Variants in CREB3L2 observed in about 807,000 individuals in gnomAD.
The protein encoded by CREB3L2 is cAMP responsive element binding protein 3 like 2.
CREB3L2 carries 23 observed loss-of-function variants against 57.2 expected under a neutral mutation model. That is an observed-to-expected ratio of 0.40 (90% CI 0.29 to 0.57). CREB3L2 has a LOEUF of 0.57. Ranked by LOEUF, CREB3L2 falls within the 20% of genes least tolerant of loss-of-function variation. CREB3L2 has a pLI of 0.42. For synonymous variants in CREB3L2, 268 were observed against 265.1 expected (o/e 1.01, Z -0.11); for missense variants, 628 against 634.7 (o/e 0.99, Z 0.11).
rs992281243 is a variant in CREB3L2 at position 138,001,780 on chromosome 7, G to T, written c.-75C>A. 30 of 1,105,884 alleles carry T rather than the reference G, an allele frequency of 2.7e-5. No individual in the cohort carries two copies. The highest frequency in any genetic ancestry group is 3.2e-5 in the Non-Finnish European group (26 of 800,400). The allele number at this position is 1,105,884 out of a possible 1,614,324, so 68.5% of individuals were successfully genotyped here. On this transcript the variant is annotated 5_prime_UTR_variant, in exon 1 of 12. Coordinates refer to ENST00000330387, the MANE Select transcript of CREB3L2 (RefSeq NM_194071.4). The surrounding 1 kb of genome is among the most constrained non-coding windows in gnomAD (Gnocchi z 4.2). Reference sequence around the variant, plus strand: ...CGCAGAGCTGCCTCGGACCGGCAAGGTTCCTCTCTCTCCGCGTGTGCTTGC... The same window carrying T: ...CGCAGAGCTGCCTCGGACCGGCAAGTTTCCTCTCTCTCCGCGTGTGCTTGC...
intron 1 of CREB3L2, among the ~76,000 whole-genome samples, chr7:137,994,681 C>T (rs950339399): frequency 1.3e-5 from 2 of 152,162 alleles, no homozygotes; most frequent in African/African-American, 4.8e-5. Context: ...CGTGATAGCT[C>T]ATGCCTGTAA....
At chr7:137,962,759 T>C (rs990932177) in intron 1 of CREB3L2, among the ~76,000 whole-genome samples, 8 of 152,172 alleles carry the variant, frequency 5.3e-5, no homozygotes, top group East Asian at 1.9e-4. Context: ...ATGAGTTCCA[T>C]GGGGGCCGAA....
intron 1 of CREB3L2, among the ~76,000 whole-genome samples, chr7:137,939,138 C>G (rs970453717): frequency 6.6e-6 from 1 of 152,128 alleles, no homozygotes; most frequent in Non-Finnish European, 1.5e-5. Context: ...CCAACAAGTA[C>G]CAACAGGAAT....
chr7:137,933,941 C>G (rs1800721015), intron 1 of CREB3L2: 1 of 152,222 alleles, frequency 6.6e-6, no homozygotes, highest in Non-Finnish European at 1.5e-5. Context: ...AGGCCAAAAA[C>G]CAGAGAAAGG....
At chr7:137,919,419 G>A (rs925797548) in intron 2 of CREB3L2, among the ~76,000 whole-genome samples, 3 of 151,976 alleles carry the variant, frequency 2.0e-5, no homozygotes, top group East Asian at 1.9e-4. Flanking sequence ...TGACCCACCC[G>A]CCTCAGCCTC....
At position 137,980,230 on chromosome 7, in the gene CREB3L2, G is replaced by C. The variant is rs1244159400; in HGVS notation, c.102+21374C>G. Among the ~76,000 whole-genome samples, 1 of 152,202 alleles carries C rather than the reference G, an allele frequency of 6.6e-6. No individual in the cohort carries two copies. The highest frequency in any genetic ancestry group is 1.9e-4 in the East Asian group (1 of 5,190). ...GTTTCACTTTGGAAGCACTGGGAGA[G>C]CTTTTAAAATGCCTGATGCCCAGGC... On this transcript the variant is annotated intron_variant, in intron 1 of 11. Transcript: ENST00000330387. This position sits in a 1 kb window ranked among gnomAD's most constrained non-coding sequence, Gnocchi z 4.3.
At chr7:137,971,045 T>G (rs1353079127) in intron 1 of CREB3L2, among the ~76,000 whole-genome samples, 3 of 152,104 alleles carry the variant, frequency 2.0e-5, no homozygotes, top group African/African-American at 2.4e-5. Context: ...AGACCCTAAA[T>G]TAAGTTAGCA....
intron 8 of CREB3L2, among the ~76,000 whole-genome samples, chr7:137,890,648 G>C (rs1263454549): frequency 6.6e-6 from 1 of 152,240 alleles, no homozygotes; most frequent in East Asian, 1.9e-4. Context: ...TCTTTGAAGA[G>C]TGCTTGCTGT....
chr7:137,902,540 G>C (rs1289871724), intron 7 of CREB3L2, among the ~76,000 whole-genome samples: 1 of 152,202 alleles, frequency 6.6e-6, no homozygotes, highest in African/African-American at 2.4e-5. Context: ...ATAGAAAATG[G>C]TGGGACAGCA....
chr7:137,882,393 C>G lies in CREB3L2; in HGVS notation c.1487+19G>C. The G allele has an allele frequency of 6.3e-7, 1 of 1,597,652 alleles. No homozygotes were observed. Among genetic ancestry groups the G allele is most frequent in the Non-Finnish European group, 8.6e-7 (1 of 1,167,564 alleles). On this transcript the variant is annotated intron_variant, in intron 11 of 11. Coordinates refer to ENST00000330387, the MANE Select transcript of CREB3L2 (RefSeq NM_194071.4). ...CATCAGTGCACTAGAGGAGTTGGCT[C>G]TGTGTCTCTATGACTCACAGGTGCT...
At chr7:137,977,765 A>C (rs2117310444) in intron 1 of CREB3L2, among the ~76,000 whole-genome samples, 1 of 152,272 alleles carries the variant, frequency 6.6e-6, no homozygotes, top group African/African-American at 2.4e-5. Context: ...TACTAAAAAC[A>C]GAAATATTAG....
intron 8 of CREB3L2, among the ~76,000 whole-genome samples, chr7:137,895,480 G>A (rs1799610296): frequency 6.6e-6 from 1 of 152,160 alleles, no homozygotes; most frequent in Non-Finnish European, 1.5e-5. Context: ...CACCACTTCA[G>A]CTCTGTTCCC....
chr7:137,897,129 G>A (rs891839046), intron 8 of CREB3L2, among the ~76,000 whole-genome samples: 1 of 152,208 alleles, frequency 6.6e-6, no homozygotes, highest in Non-Finnish European at 1.5e-5. Flanking sequence ...ATTATGTGGA[G>A]TGATGGATGT....
At chr7:137,955,070 A>G (rs1269249435) in intron 1 of CREB3L2, among the ~76,000 whole-genome samples, 1 of 152,200 alleles carries the variant, frequency 6.6e-6, no homozygotes, top group African/African-American at 2.4e-5. Flanking sequence ...GTTAACCTAC[A>G]TTTAAAAGTA....
chr7:137,971,639 A>G (rs1302876529), intron 1 of CREB3L2, among the ~76,000 whole-genome samples: 3 of 151,760 alleles, frequency 2.0e-5, no homozygotes, highest in Non-Finnish European at 4.4e-5. Context: ...TAACCTTATC[A>G]TAAGTTCTTA....
In CREB3L2 at chr7:137,880,570, G is replaced by A; in HGVS notation, c.1488-19C>T. On this transcript the variant is annotated intron_variant, in intron 11 of 11. Coordinates refer to ENST00000330387, the MANE Select transcript of CREB3L2 (RefSeq NM_194071.4). This position sits in a 1 kb window ranked among gnomAD's most constrained non-coding sequence, Gnocchi z 4.0. Reference sequence around the variant, plus strand: ...GCTGACCCTGTGAAGGCATTAAAAGGAAAACGAAGTATTAGTCACCAGCTG... The same window carrying A: ...GCTGACCCTGTGAAGGCATTAAAAGAAAAACGAAGTATTAGTCACCAGCTG... 3 of 1,593,762 alleles carry A rather than the reference G, an allele frequency of 1.9e-6. No homozygotes were observed. The highest frequency in any genetic ancestry group is 2.6e-6 in the Non-Finnish European group (3 of 1,161,866).
intron 1 of CREB3L2, among the ~76,000 whole-genome samples, chr7:137,967,852 C>T (rs1241809695): frequency 9.9e-5 from 15 of 152,218 alleles, no homozygotes; most frequent in Admixed American, 9.2e-4. Context: ...CACTGTGATG[C>T]CCCATCCACT....
chr7:137,977,616 G>C (rs1563271738), intron 1 of CREB3L2, among the ~76,000 whole-genome samples: 2 of 152,050 alleles, frequency 1.3e-5, no homozygotes, highest in African/African-American at 2.4e-5. Flanking sequence ...CACAAATCTT[G>C]TTTTGTTTAA....
At chr7:137,910,697 C>G (rs1436692519) in intron 4 of CREB3L2, among the ~76,000 whole-genome samples, 1 of 152,078 alleles carries the variant, frequency 6.6e-6, no homozygotes, top group African/African-American at 2.4e-5. Flanking sequence ...CCAAATTATT[C>G]TAATACCGTT....
Sources: allele counts gnomAD v4.1 joint callset (sites outside exome capture counted in the v4.1 genomes callset), GRCh38; gene constraint gnomAD v4.1.1; non-coding constraint Gnocchi (gnomAD v3.1); transcripts MANE v1.5; gene names NCBI Gene and HGNC (gene_info 2026-07-23, HGNC 2026-07-21).